CDS1: variants seen among roughly 807,000 people sequenced by gnomAD.
CDS1 encodes the protein CDP-diacylglycerol synthase 1, also known as phosphatidate cytidylyltransferase 1.
A neutral mutation model predicts 62.1 loss-of-function variants in CDS1; 41 were observed. That is an observed-to-expected ratio of 0.66 (90% confidence interval 0.51 to 0.86). The LOEUF (loss-of-function observed/expected upper bound fraction) is 0.86, where lower values mean the gene tolerates loss of function less well. Ranked by LOEUF, CDS1 falls within the 40% of genes least tolerant of loss-of-function variation. CDS1 has a pLI of 0.00. For missense variants in CDS1, 470 were observed against 550.1 expected, an observed-to-expected ratio of 0.85 and a Z score of 1.46; for synonymous variants, 185 against 192.6, an observed-to-expected ratio of 0.96 and a Z score of 0.32.
intron 12 of CDS1, among the ~76,000 whole-genome samples, chr4:84,647,666 C>T (rs901167324): frequency 3.3e-5 from 5 of 152,136 alleles, no homozygotes; most frequent in African/African-American, 1.2e-4. Flanking sequence ...TGAGTTGAGC[C>T]ACGTGCATGA....
chr4:84,604,635 T>G (rs1723036494), intron 2 of CDS1, among the ~76,000 whole-genome samples: 1 of 152,212 alleles, frequency 6.6e-6, no homozygotes, highest in East Asian at 1.9e-4. Context: ...GATTCTTGCC[T>G]TGGGCTGTCA....
At chr4:84,648,445 A>G in intron 12 of CDS1, 112 bp from the exon 13 acceptor site, 1 of 966,344 alleles carries the variant, frequency 1.0e-6, no homozygotes, top group Middle Eastern at 2.2e-4. Flanking sequence ...TTAATTCTGT[A>G]AAGATTCCTA....
At chr4:84,612,068 A>G (rs1285601703) in intron 3 of CDS1, among the ~76,000 whole-genome samples, 3 of 151,346 alleles carry the variant, frequency 2.0e-5, no homozygotes, top group Non-Finnish European at 4.4e-5. Flanking sequence ...TGGGCAGTGT[A>G]TCAGGGTGGA....
chr4:84,628,570 T>G (rs1723926013), intron 5 of CDS1, among the ~76,000 whole-genome samples: 1 of 152,212 alleles, frequency 6.6e-6, no homozygotes, highest in Admixed American at 6.5e-5. Flanking sequence ...ACTTGCTTTG[T>G]GGTCCAGGCT....
In CDS1 at chr4:84,609,536, G is replaced by C. The variant is rs750565728; in HGVS notation, c.342+11G>C. The stretch of plus-strand genomic sequence containing the variant: ...ATGCTGATGCTTCTTGTAAGTTTTT[G>C]ACTTTTCCCTGAGTGTCTCTTGCTT... On this transcript the variant is annotated intron_variant, in intron 3 of 12. Coordinates refer to ENST00000295887, the MANE Select transcript of CDS1 (RefSeq NM_001263.4). The C allele has an allele frequency of 3.4e-6, 5 of 1,458,046 alleles. No individual in the cohort carries two copies. The highest frequency in any genetic ancestry group is 1.2e-5 in the South Asian group (1 of 86,296). 90.3% of individuals were successfully genotyped at this position (1,458,046 alleles called of 1,614,324 possible).
chr4:84,609,376 A>C (rs1206920881), intron 2 of CDS1, 53 bp from the exon 3 acceptor site: 1 of 1,155,438 alleles, frequency 8.7e-7, no homozygotes, highest in African/African-American at 1.5e-5. Flanking sequence ...TACTGAAACC[A>C]CACAAAAAAC....
At chr4:84,608,334 C>T (rs897751427) in intron 2 of CDS1, among the ~76,000 whole-genome samples, 6 of 152,080 alleles carry the variant, frequency 3.9e-5, no homozygotes, top group Admixed American at 6.5e-5. Context: ...CCACTATGCC[C>T]GGCTAATTGT....
chr4:84,644,849 A>G (rs2148661538), intron 11 of CDS1, among the ~76,000 whole-genome samples: 1 of 152,362 alleles, frequency 6.6e-6, no homozygotes, highest in Middle Eastern at 3.4e-3. Flanking sequence ...TTTTAGCAGC[A>G]CTAAAATAGC....
intron 4 of CDS1, among the ~76,000 whole-genome samples, chr4:84,618,632 T>G (rs1723573805): frequency 6.6e-6 from 1 of 152,174 alleles, no homozygotes; most frequent in African/African-American, 2.4e-5. Flanking sequence ...TGATGAGACA[T>G]TCCTGGCCCT....
intron 5 of CDS1, among the ~76,000 whole-genome samples, chr4:84,624,000 A>C (rs1326746243): frequency 6.6e-6 from 1 of 151,980 alleles, no homozygotes; most frequent in Non-Finnish European, 1.5e-5. Flanking sequence ...TGCTGGGCGC[A>C]GTGGCTCACA....
At chr4:84,648,476 T>A (rs1724617915) in intron 12 of CDS1, 81 bp from the exon 13 acceptor site, 1 of 1,302,622 alleles carries the variant, frequency 7.7e-7, no homozygotes, top group African/African-American at 1.5e-5. Context: ...AAAGGAATGG[T>A]TTGTTTTAAA....
chr4:84,639,290 G>C (rs1306861157), intron 9 of CDS1, among the ~76,000 whole-genome samples: 1 of 152,134 alleles, frequency 6.6e-6, no homozygotes. Flanking sequence ...CTGTTGTGCT[G>C]TTGTGTTTGG....
intron 3 of CDS1, among the ~76,000 whole-genome samples, chr4:84,610,020 A>C (rs1723268886): frequency 6.6e-6 from 1 of 152,182 alleles, no homozygotes; most frequent in East Asian, 1.9e-4. Flanking sequence ...TCAAAAAAAA[A>C]AAATGACAGA....
intron 1 of CDS1, among the ~76,000 whole-genome samples, chr4:84,593,649 C>T (rs912694020): frequency 6.6e-5 from 10 of 152,006 alleles, no homozygotes; most frequent in African/African-American, 2.2e-4. Flanking sequence ...GTATTACAGG[C>T]GCTCTCCACT....
chr4:84,601,049 T>A (rs757700278), intron 1 of CDS1, among the ~76,000 whole-genome samples: 21 of 151,792 alleles, frequency 1.4e-4, no homozygotes, highest in Non-Finnish European at 2.6e-4. Context: ...GGTGCATGCC[T>A]GTAGTCCCGG....
chr4:84,640,788 T>G, intron 9 of CDS1, 50 bp from the exon 10 acceptor site: 1 of 1,420,524 alleles, frequency 7.0e-7, no homozygotes, highest in Non-Finnish European at 9.3e-7. Flanking sequence ...CAATGTGTTA[T>G]GAACTTTTGC....
rs1351490444 is a variant in CDS1 at position 84,650,343 on chromosome 4, AAAATTGATAC to A, written c.*1658_*1667del. 2 of 152,172 alleles carry A rather than the reference AAAATTGATAC, an allele frequency of 1.3e-5. No homozygotes were observed. Among genetic ancestry groups the A allele is most frequent in the Non-Finnish European group, 2.9e-5 (2 of 68,026 alleles). The allele number at this position is 152,172 out of a possible 1,614,324, so 9.4% of individuals were successfully genotyped here. On this transcript the variant is annotated 3_prime_UTR_variant, in exon 13 of 13. Coordinates refer to ENST00000295887, the MANE Select transcript of CDS1 (RefSeq NM_001263.4). ...TATCTCACACTATCCATACAAATCT[AAAATTGATAC>A]TGGAAATGTTATTATAGGAGGCAGT...
chr4:84,583,952 A>T (rs182427441), intron 1 of CDS1, among the ~76,000 whole-genome samples: 22 of 152,242 alleles, frequency 1.4e-4, no homozygotes, highest in Middle Eastern at 3.4e-3. Context: ...GTATCATTTC[A>T]TCGGATCCTG....
chr4:84,631,863 CT>C lies in CDS1; in HGVS notation c.626del (p.Leu209ArgfsTer14), dbSNP rs1724031580. 6.2e-7 allele frequency: 1 copy of C among 1,609,934 alleles called. No individual in the cohort carries two copies. The highest frequency in any genetic ancestry group is 1.1e-5 in the South Asian group (1 of 90,972). Reference sequence around the variant, plus strand: ...GAGTTTGGTGAAGAAACATTATCGTCTGCAGTTTTATATGGTGTGTATTAAC... The same window carrying C: ...GAGTTTGGTGAAGAAACATTATCGTCGCAGTTTTATATGGTGTGTATTAAC... The part of the protein sequence containing the change: ...VLSLVKKHYR[L>X]QFYMFAWTHV... On this transcript the variant is annotated frameshift_variant, in exon 6 of 13. Transcript: ENST00000295887. LOFTEE classifies it high-confidence loss of function.
Sources: allele counts gnomAD v4.1 joint callset (sites outside exome capture counted in the v4.1 genomes callset), GRCh38; gene constraint gnomAD v4.1.1; transcripts MANE v1.5; gene names NCBI Gene and HGNC (gene_info 2026-07-23, HGNC 2026-07-21).